The following LRRC37A2 variants were observed in gnomAD, a reference collection of about 807,000 sequenced individuals.
The protein encoded by LRRC37A2 is leucine-rich repeat-containing protein 37A2.
LRRC37A2 carries 9 observed loss-of-function variants against 68.8 expected under a neutral mutation model. That is an observed-to-expected ratio of 0.13 (90% CI 0.08 to 0.23). The LOEUF is 0.23. LRRC37A2 is among the 10% of genes least tolerant of loss of function. The pLI is 1.00. For synonymous variants in LRRC37A2, 63 were observed against 367.6 expected, an observed-to-expected ratio of 0.17 and a Z score of 9.48; for missense variants, 168 against 950.4, an observed-to-expected ratio of 0.18 and a Z score of 10.82.
the LRRC37A2 span, among the ~76,000 whole-genome samples, chr17:46,625,955 C>T: frequency 1.4e-5 from 2 of 139,090 alleles, no homozygotes; most frequent in African/African-American, 2.8e-5. Flanking sequence ...ACACATAGTA[C>T]TTTTTAGTTA....
chr17:46,745,119 T>C, the LRRC37A2 span, among the ~76,000 whole-genome samples: 1 of 152,118 alleles, frequency 6.6e-6, no homozygotes, highest in Non-Finnish European at 1.5e-5. Flanking sequence ...ATTAGGAAGG[T>C]GGAGGTCCCC....
At chr17:46,988,153 C>A in the LRRC37A2 span, among the ~76,000 whole-genome samples, 1 of 152,216 alleles carries the variant, frequency 6.6e-6, no homozygotes, top group Non-Finnish European at 1.5e-5. Flanking sequence ...GCCTGGGCAA[C>A]TAGAGCAAGA....
the LRRC37A2 span, among the ~76,000 whole-genome samples, chr17:46,449,475 T>C: frequency 1.2e-5 from 1 of 84,756 alleles, no homozygotes; most frequent in African/African-American, 5.0e-5. Flanking sequence ...GAGCTCTTAC[T>C]ATCCACCATA....
the LRRC37A2 span, chr17:46,941,044 A>G: frequency 1.8e-6 from 2 of 1,088,096 alleles, no homozygotes; most frequent in Non-Finnish European, 2.2e-6. Flanking sequence ...AGCTGATGCA[A>G]GAAACTCCGG....
the LRRC37A2 span, among the ~76,000 whole-genome samples, chr17:46,823,218 AT>A: frequency 1.5e-5 from 2 of 134,938 alleles, no homozygotes; most frequent in African/African-American, 2.8e-5. Context: ...TATATTATAT[AT>A]TATATATATA....
chr17:46,941,826 TCTGC>T, the LRRC37A2 span: 1 of 482,892 alleles, frequency 2.1e-6, no homozygotes, highest in Non-Finnish European at 2.7e-6. Flanking sequence ...CCTCAAGTGA[TCTGC>T]CTGCTTCGGC....
the LRRC37A2 span, among the ~76,000 whole-genome samples, chr17:46,458,787 C>T: frequency 1.8e-5 from 2 of 109,484 alleles, no homozygotes; most frequent in East Asian, 2.4e-4. Context: ...GTGATCTGCC[C>T]GCCTTGGCCT....
chr17:46,922,162 G>T, the LRRC37A2 span, among the ~76,000 whole-genome samples: 1 of 152,190 alleles, frequency 6.6e-6, no homozygotes, highest in Non-Finnish European at 1.5e-5. Context: ...CATAAAAAAT[G>T]ATGAGTTCAT....
chr17:46,872,663 C>A, the LRRC37A2 span: 3 of 1,613,696 alleles, frequency 1.9e-6, no homozygotes, highest in Admixed American at 3.3e-5. Context: ...CCCGGCCTGG[C>A]TGAGACCCTG....
At chr17:47,021,971 T>G in the LRRC37A2 span, 2 of 1,454,644 alleles carry the variant, frequency 1.4e-6, no homozygotes, top group Admixed American at 3.4e-5. Context: ...CATTGTAAGA[T>G]CTTTCTTGGT....
the LRRC37A2 span, chr17:46,769,761 T>C: frequency 6.2e-7 from 1 of 1,607,460 alleles, no homozygotes; most frequent in Non-Finnish European, 8.5e-7. Context: ...CTGAAGGGTT[T>C]GGGGAGGGTA....
the LRRC37A2 span, among the ~76,000 whole-genome samples, chr17:46,987,845 C>T: frequency 6.6e-6 from 1 of 152,204 alleles, no homozygotes; most frequent in Non-Finnish European, 1.5e-5. Flanking sequence ...CATATACTTA[C>T]ACATACTTTA....
chr17:46,494,846 A>G, the LRRC37A2 span, among the ~76,000 whole-genome samples: 1 of 151,106 alleles, frequency 6.6e-6, no homozygotes, highest in Non-Finnish European at 1.5e-5. Flanking sequence ...CAAATGTTCT[A>G]GCTATTTTAA....
chr17:46,688,359 AAAAT>A, the LRRC37A2 span, among the ~76,000 whole-genome samples: 1 of 146,382 alleles, frequency 6.8e-6, no homozygotes. Context: ...AATAAAAATA[AAAAT>A]AAATTTTAAA....
chr17:46,794,582 G>A, the LRRC37A2 span, among the ~76,000 whole-genome samples: 1 of 152,076 alleles, frequency 6.6e-6, no homozygotes, highest in Admixed American at 6.5e-5. Flanking sequence ...ACCGTGGAGA[G>A]GATAAAAATC....
the LRRC37A2 span, among the ~76,000 whole-genome samples, chr17:46,439,385 CAAA>C: frequency 5.8e-5 from 8 of 137,020 alleles, no homozygotes; most frequent in Admixed American, 1.4e-4. Context: ...TACATAGAGC[CAAA>C]AAAAAAAAAA....
At chr17:46,980,085 C>T in the LRRC37A2 span, among the ~76,000 whole-genome samples, 1 of 152,068 alleles carries the variant, frequency 6.6e-6, no homozygotes, top group Non-Finnish European at 1.5e-5. Context: ...TTATTAAAAC[C>T]CAGATTGCTT....
the LRRC37A2 span, among the ~76,000 whole-genome samples, chr17:46,928,784 A>G: frequency 6.6e-6 from 1 of 152,194 alleles, no homozygotes; most frequent in Admixed American, 6.5e-5. Context: ...CTTGTAATCC[A>G]CATGTCTTGA....
chr17:46,890,163 C>T, the LRRC37A2 span, among the ~76,000 whole-genome samples: 2 of 152,182 alleles, frequency 1.3e-5, no homozygotes, highest in African/African-American at 2.4e-5. Context: ...GTCAGTCCCC[C>T]GCTGCTCCTG....
Sources: gnomAD v4.1 joint callset for allele counts (sites outside exome capture counted in the v4.1 genomes callset) on GRCh38, gnomAD v4.1.1 for gene constraint, MANE v1.5 for transcripts, NCBI Gene and HGNC (gene_info 2026-07-23, HGNC 2026-07-21) for gene names.